Variants in ARHGEF28 observed in about 807,000 individuals in gnomAD.
ARHGEF28 encodes the protein Rho guanine nucleotide exchange factor 28, also known as 190 kDa guanine nucleotide exchange factor.
In ARHGEF28, 152 loss-of-function variants were observed where a neutral mutation model predicts 206.6. That is an observed-to-expected ratio of 0.74 (90% CI 0.64 to 0.84). The LOEUF is 0.84. Among genes scored for constraint, ARHGEF28 ranks in the 40% least tolerant of loss-of-function variants. The pLI is 0.00. For missense variants in ARHGEF28, 2,028 were observed against 2,073.2 expected (o/e 0.98, Z 0.42); for synonymous variants, 763 against 776.4 (o/e 0.98, Z 0.29).
intron 4 of ARHGEF28, among the ~76,000 whole-genome samples, chr5:73,767,851 C>T (rs1178413311): frequency 1.3e-5 from 2 of 152,152 alleles, no homozygotes; most frequent in Non-Finnish European, 2.9e-5. Context: ...TCATGGGAGC[C>T]CCTCCCATTA....
intron 29 of ARHGEF28, among the ~76,000 whole-genome samples, chr5:73,894,992 C>T (rs1286996539): frequency 6.6e-6 from 1 of 151,182 alleles, no homozygotes; most frequent in Non-Finnish European, 1.5e-5. Context: ...GAGGAGCAGG[C>T]AGGGGGACAG....
chr5:73,773,839 G>A lies in ARHGEF28; in HGVS notation c.476-16G>A. ...AAATGGAGGAACTAATATGGTATGT[G>A]TTTTTTCCTCTTCAGTATCTTCTCA... On this transcript the variant is annotated splice_polypyrimidine_tract_variant and intron_variant, in intron 4 of 35. Coordinates refer to ENST00000513042, the MANE Select transcript of ARHGEF28 (RefSeq NM_001177693.2). 1 of 1,574,926 alleles carries A rather than the reference G, an allele frequency of 6.3e-7. No homozygotes were observed. The highest frequency in any genetic ancestry group is 8.6e-7 in the Non-Finnish European group (1 of 1,160,040).
At chr5:73,929,631 A>G (rs1037543708) in intron 35 of ARHGEF28, among the ~76,000 whole-genome samples, 1 of 152,210 alleles carries the variant, frequency 6.6e-6, no homozygotes, top group African/African-American at 2.4e-5. Flanking sequence ...TAGGCATGCA[A>G]TTAACAAATG....
chr5:73,777,722 A>G (rs1294931081), intron 6 of ARHGEF28, among the ~76,000 whole-genome samples: 1 of 152,166 alleles, frequency 6.6e-6, no homozygotes, highest in Non-Finnish European at 1.5e-5. Context: ...GACATACAGC[A>G]TCACATCCAG....
chr5:73,846,276 T>C lies in ARHGEF28; in HGVS notation c.1436T>C (p.Leu479Pro). 6.2e-7 allele frequency: 1 copy of C among 1,613,356 alleles called. No homozygotes were observed. The highest frequency in any genetic ancestry group is 8.5e-7 in the Non-Finnish European group (1 of 1,179,660). ...CTGGCTTTGTGCTTTAGTTCTAGCC[T>C]TGATGCCTTGGACGCCGACAGTGAA... is the stretch of plus-strand genomic sequence containing the variant. ...QSHLKKRSSS[L>P]DALDADSEGE... Residue 479 changes from leucine (L) to proline (P), a missense_variant, in exon 12 of 36, where the codon CTT becomes CCT. By Grantham distance (98) the Leu-to-Pro change is moderately conservative. This residue lies in a region of ARHGEF28 where 1,002 missense variants were observed against 1,015.3 expected (regional missense o/e 0.99). Coordinates refer to ENST00000513042, the MANE Select transcript of ARHGEF28 (RefSeq NM_001177693.2).
intron 1 of ARHGEF28, among the ~76,000 whole-genome samples, chr5:73,651,937 T>C (rs951991100): frequency 1.3e-5 from 2 of 152,308 alleles, no homozygotes; most frequent in South Asian, 4.1e-4. Flanking sequence ...CATGCTCTGT[T>C]GTTTGTCATT....
chr5:73,837,600 AT>A (rs1458722878), intron 10 of ARHGEF28, among the ~76,000 whole-genome samples: 1 of 152,156 alleles, frequency 6.6e-6, no homozygotes, highest in Non-Finnish European at 1.5e-5. Flanking sequence ...AACTATATAT[AT>A]TATGCTTTTA....
chr5:73,634,521 A>G (rs1356716168), intron 1 of ARHGEF28, among the ~76,000 whole-genome samples: 1 of 152,244 alleles, frequency 6.6e-6, no homozygotes, highest in African/African-American at 2.4e-5. Context: ...TTAATCTAGG[A>G]TCAACATGAA....
chr5:73,714,552 T>C (rs1204018869), intron 2 of ARHGEF28, among the ~76,000 whole-genome samples: 1 of 152,156 alleles, frequency 6.6e-6, no homozygotes, highest in African/African-American at 2.4e-5. Context: ...TCTGAGGACA[T>C]CCTGTGTTTG....
intron 2 of ARHGEF28, among the ~76,000 whole-genome samples, chr5:73,747,922 C>T (rs1312291861): frequency 6.6e-6 from 1 of 152,040 alleles, no homozygotes; most frequent in African/African-American, 2.4e-5. Flanking sequence ...CCTTGTCCAC[C>T]CAACCGAATA....
chr5:73,686,437 C>T (rs1747473861), intron 2 of ARHGEF28, among the ~76,000 whole-genome samples: 1 of 151,790 alleles, frequency 6.6e-6, no homozygotes, highest in South Asian at 2.1e-4. Flanking sequence ...GGGGAAAAAC[C>T]AATACACATT....
intron 14 of ARHGEF28, among the ~76,000 whole-genome samples, chr5:73,856,726 C>A (rs907676698): frequency 4.0e-4 from 60 of 151,882 alleles, no homozygotes; most frequent in African/African-American, 1.3e-3. Context: ...CTTTTAAATA[C>A]TTCCCAGAGA....
At chr5:73,875,294 A>G (rs1760391005) in intron 22 of ARHGEF28, among the ~76,000 whole-genome samples, 1 of 150,410 alleles carries the variant, frequency 6.6e-6, no homozygotes, top group Middle Eastern at 3.5e-3. Context: ...AATTTGTTTG[A>G]GTTCATTGTA....
At chr5:73,762,209 A>C (rs1195529226) in intron 4 of ARHGEF28, among the ~76,000 whole-genome samples, 1 of 151,966 alleles carries the variant, frequency 6.6e-6, no homozygotes, top group African/African-American at 2.4e-5. Context: ...TAATCCCAGC[A>C]CTTTGGGAGG....
chr5:73,846,342 C>G lies in ARHGEF28; in HGVS notation c.1502C>G (p.Pro501Arg). ...GAGCCATCCCACATCTGTTACACTC[C>G]AGGGTCTCAGAGCTCCTCAAGAACT... Reference protein sequence around the residue: ...HSEPSHICYTPGSQSSSRTGI... With the variant: ...HSEPSHICYTRGSQSSSRTGI... Residue 501 changes from proline to arginine, a missense_variant, in exon 12 of 36, where the codon CCA (proline) becomes CGA (arginine). By Grantham distance (103) the Pro-to-Arg change is moderately radical (BLOSUM62 -2). Around this residue, in one of 3 missense-constraint regions of ARHGEF28, gnomAD observed 1,002 missense variants for 1,015.3 expected, o/e 0.99. Coordinates refer to ENST00000513042, the MANE Select transcript of ARHGEF28 (RefSeq NM_001177693.2). 6.2e-7 allele frequency: 1 copy of G among 1,613,896 alleles called. No individual in the cohort carries two copies. Among genetic ancestry groups the G allele is most frequent in the Non-Finnish European group, 8.5e-7 (1 of 1,179,822 alleles).
intron 1 of ARHGEF28, among the ~76,000 whole-genome samples, chr5:73,667,189 C>G (rs1001110133): frequency 1.3e-5 from 2 of 151,854 alleles, no homozygotes; most frequent in East Asian, 1.9e-4. Context: ...GTCTGAGCCT[C>G]CCTCCTATCG....
chr5:73,894,286 TG>T, intron 28 of ARHGEF28, 106 bp from the exon 29 acceptor site: 1 of 1,164,688 alleles, frequency 8.6e-7, no homozygotes, highest in Non-Finnish European at 1.2e-6. Flanking sequence ...GGTTTTCTCT[TG>T]GAGGTCTTAC....
At chr5:73,670,845 T>C (rs771018727) in intron 1 of ARHGEF28, among the ~76,000 whole-genome samples, 4 of 152,218 alleles carry the variant, frequency 2.6e-5, no homozygotes, top group Non-Finnish European at 5.9e-5. Context: ...GAGAGTTCTT[T>C]ATATATTTTG....
chr5:73,912,334 A>G (rs1762953245), intron 35 of ARHGEF28, among the ~76,000 whole-genome samples: 1 of 152,246 alleles, frequency 6.6e-6, no homozygotes. Context: ...TGGATGTGAA[A>G]TAAATCACCC....
Sources: gnomAD v4.1 joint callset for allele counts (sites outside exome capture counted in the v4.1 genomes callset) on GRCh38, gnomAD v4.1.1 for gene constraint, gnomAD v4.1.1 regional missense constraint, MANE v1.5 for transcripts, NCBI Gene and HGNC (gene_info 2026-07-23, HGNC 2026-07-21) for gene names.